Variants in MADCAM1 observed in about 807,000 individuals in gnomAD.
MADCAM1 encodes mucosal vascular addressin cell adhesion molecule 1.
Under a neutral mutation model 26.1 loss-of-function variants are expected in MADCAM1, and 19 were observed. That is an observed-to-expected ratio of 0.73 (90% confidence interval 0.51 to 1.07). The LOEUF is 1.07. MADCAM1 is among the 50% of genes least tolerant of loss of function. The pLI is 0.00. For synonymous variants in MADCAM1, 268 were observed against 260.9 expected, an observed-to-expected ratio of 1.03 and a Z score of -0.26; for missense variants, 514 against 542.1, an observed-to-expected ratio of 0.95 and a Z score of 0.51.
At chr19:498,166 T>G (rs1176365647) in intron 2 of MADCAM1, 49 bp downstream of exon 2, 3 of 1,294,962 alleles carry the variant, frequency 2.3e-6, no homozygotes, top group Non-Finnish European at 2.9e-6. Flanking sequence ...GACTCCCGGC[T>G]CCTTCCCTAT....
At chr19:501,305 G>A (rs1191869389) in intron 3 of MADCAM1, among the ~76,000 whole-genome samples, 1 of 151,510 alleles carries the variant, frequency 6.6e-6, no homozygotes, top group African/African-American at 2.4e-5. Context: ...GACCAACATG[G>A]AGAAACCCCA....
chr19:499,014 G>C, intron 3 of MADCAM1, 189 bp downstream of exon 3: 2 of 902,820 alleles, frequency 2.2e-6, no homozygotes, highest in Non-Finnish European at 3.5e-6. Context: ...CCCAGCACAG[G>C]TCCCACCCCT....
At chr19:499,998 T>A in intron 3 of MADCAM1, 1 of 172,124 alleles carries the variant, frequency 5.8e-6, no homozygotes. Context: ...GTGGTGGGGG[T>A]GGGGCTGGGG....
Position 497,755 on chromosome 19 carries a change from G to T in MADCAM1, c.53-78G>T, listed in dbSNP as rs1461706444. On this transcript the variant is annotated intron_variant, in intron 1 of 4. Coordinates refer to ENST00000215637, the MANE Select transcript of MADCAM1 (RefSeq NM_130760.3). ...GGCAGAGGCGGGGCGGGGTCCGGGG[G>T]TGGAGCGGGACGCAGGGCCGGTGGC... The T allele has an allele frequency of 5.2e-6, 6 of 1,143,040 alleles. No homozygotes were observed. In the East Asian group the frequency reaches 1.7e-4, roughly 32 times the overall value. 70.8% of individuals were successfully genotyped at this position (1,143,040 alleles called of 1,614,324 possible). A position where few individuals can be genotyped will look rare whatever the true frequency, so the allele number is the denominator to read the frequency against.
intron 4 of MADCAM1, among the ~76,000 whole-genome samples, chr19:503,518 C>T (rs373777971): frequency 0.012 from 1,603 of 132,306 alleles, 12 homozygotes; most frequent in Middle Eastern, 0.021. Flanking sequence ...GAGGCGGAGC[C>T]TGCAGTGAGC....
At chr19:500,260 G>A in intron 3 of MADCAM1, 1 of 442,042 alleles carries the variant, frequency 2.3e-6, no homozygotes, top group Admixed American at 2.4e-5. Flanking sequence ...TGAGGAAACT[G>A]AGGCACGTGG....
At chr19:503,907 G>C (rs1342431269) in intron 4 of MADCAM1, among the ~76,000 whole-genome samples, 1 of 152,022 alleles carries the variant, frequency 6.6e-6, no homozygotes, top group Non-Finnish European at 1.5e-5. Flanking sequence ...AATTAGCCAG[G>C]TGTGGTGGCA....
intron 3 of MADCAM1, chr19:499,411 CAT>C (rs759472592): frequency 4.9e-5 from 22 of 448,578 alleles, no homozygotes; most frequent in African/African-American, 1.2e-4. Flanking sequence ...CAAGCACACA[CAT>C]GTACAAACAC....
intron 1 of MADCAM1, among the ~76,000 whole-genome samples, chr19:497,624 G>C (rs1978291824): frequency 1.3e-5 from 2 of 151,768 alleles, no homozygotes; most frequent in Admixed American, 6.6e-5. Flanking sequence ...GGGTTCGGGG[G>C]ACTGGGGCAG....
intron 3 of MADCAM1, among the ~76,000 whole-genome samples, chr19:500,889 A>G (rs949855967): frequency 3.3e-5 from 5 of 151,816 alleles, no homozygotes; most frequent in African/African-American, 9.7e-5. Flanking sequence ...AACAAATTCT[A>G]GGCTTTATCA....
chr19:503,342 G>A (rs1410340866), intron 4 of MADCAM1, among the ~76,000 whole-genome samples: 2 of 151,346 alleles, frequency 1.3e-5, no homozygotes, highest in Non-Finnish European at 2.9e-5. Context: ...TGCACTTTGG[G>A]AGGCCAAGGC....
chr19:501,849 G>A lies in MADCAM1; in HGVS notation c.848G>A (p.Arg283Lys). 1 of 1,557,602 alleles carries A rather than the reference G, an allele frequency of 6.4e-7. No individual in the cohort carries two copies. Among genetic ancestry groups the A allele is most frequent in the South Asian group, 1.2e-5 (1 of 84,756 alleles). ...CAGCAGGGCTCCACACACACCCCCAGGAGCCCAGGCTCCACCAGGACTCGC... is the reference window on the plus strand; with the variant it reads ...CAGCAGGGCTCCACACACACCCCCAAGAGCCCAGGCTCCACCAGGACTCGC... Reference protein sequence around the residue: ...APQQGSTHTPRSPGSTRTRRP... With the variant: ...APQQGSTHTPKSPGSTRTRRP... Residue 283 changes from arginine to lysine, a missense_variant, in exon 4 of 5, where the codon AGG (arginine) becomes AAG (lysine). Physicochemically the swap from Arg to Lys is conservative, Grantham distance 26 (BLOSUM62 2). This residue lies in a region of MADCAM1 where 152 missense variants were observed against 136.7 expected (regional missense o/e 1.11). Transcript: ENST00000215637.
Position 498,791 on chromosome 19 carries a change from T to G in MADCAM1, c.633T>G (p.Pro211=). ...ACTGCCAGGCCACGATGAGGCTGCC[T>G]GGCTTGGAGCTCAGCCACCGCCAGG... ...ALYCQATMRL[P]GLELSHRQAI... Residue 211 remains proline (P), a synonymous_variant, in exon 3 of 5, where the codon CCT becomes CCG. Transcript: ENST00000215637. The G allele has an allele frequency of 7.3e-7, 1 of 1,370,914 alleles. No individual in the cohort carries two copies. The highest frequency in any genetic ancestry group is 9.5e-7 in the Non-Finnish European group (1 of 1,051,346). 84.9% of individuals were successfully genotyped at this position (1,370,914 alleles called of 1,614,324 possible).
Position 505,177 on chromosome 19 carries a change from C to G in MADCAM1, c.*212C>G. 1 of 489,368 alleles carries G rather than the reference C, an allele frequency of 2.0e-6. No homozygotes were observed. Among genetic ancestry groups the G allele is most frequent in the Non-Finnish European group, 3.6e-6 (1 of 275,550 alleles). The allele number at this position is 489,368 out of a possible 1,614,324, so 30.3% of individuals were successfully genotyped here. Reference sequence around the variant, plus strand: ...CCTACCCATGACCTGAAGCCCCTCCCTGAGTGGTCCCCACCTTTCTGGACG... The same window carrying G: ...CCTACCCATGACCTGAAGCCCCTCCGTGAGTGGTCCCCACCTTTCTGGACG... On this transcript the variant is annotated 3_prime_UTR_variant, in exon 5 of 5. Transcript: ENST00000215637.
At chr19:497,367 A>AGGGGGG (rs1978290955) in intron 1 of MADCAM1, among the ~76,000 whole-genome samples, 1 of 19,696 alleles carries the variant, frequency 5.1e-5, no homozygotes, top group Non-Finnish European at 8.2e-5. Flanking sequence ...GGGGAGAGGA[A>AGGGGGG]GGGGCGCGGT....
At chr19:504,709 G>A in intron 4 of MADCAM1, 36 bp from the exon 5 acceptor site, 1 of 1,502,196 alleles carries the variant, frequency 6.7e-7, no homozygotes, top group Non-Finnish European at 9.2e-7. Context: ...GAGGCCTGGA[G>A]GGCTCTGACC....
At chr19:500,062 C>T (rs1469502982) in intron 3 of MADCAM1, 5 of 455,392 alleles carry the variant, frequency 1.1e-5, no homozygotes, top group Admixed American at 4.7e-5. Flanking sequence ...CGGGCCCTCA[C>T]GGGCCTCAGT....
intron 3 of MADCAM1, among the ~76,000 whole-genome samples, chr19:500,501 G>C (rs1436452661): frequency 1.3e-5 from 2 of 152,324 alleles, no homozygotes; most frequent in African/African-American, 4.8e-5. Flanking sequence ...AGGCTGAGGT[G>C]GGTGGATTAC....
intron 4 of MADCAM1, among the ~76,000 whole-genome samples, chr19:502,758 G>A (rs1978404621): frequency 6.6e-6 from 1 of 152,230 alleles, no homozygotes; most frequent in African/African-American, 2.4e-5. Context: ...CAAAGGAAAA[G>A]CAGACATATT....
Sources: allele counts gnomAD v4.1 joint callset (sites outside exome capture counted in the v4.1 genomes callset), GRCh38; gene constraint gnomAD v4.1.1; regional missense constraint gnomAD v4.1.1; transcripts MANE v1.5; gene names NCBI Gene and HGNC (gene_info 2026-07-23, HGNC 2026-07-21).